The following AKAP12 variants were observed in gnomAD, a reference collection of about 807,000 sequenced individuals.
AKAP12 encodes A-kinase anchoring protein 12.
AKAP12 carries 32 observed loss-of-function variants against 79.9 expected under a neutral mutation model. The ratio of observed to expected loss-of-function variants is 0.40; its 90% CI spans 0.30 to 0.54. The LOEUF (loss-of-function observed/expected upper bound fraction) is 0.54. Among genes scored for constraint, AKAP12 ranks in the 20% least tolerant of loss-of-function variants. AKAP12 has a pLI of 0.48. For missense variants in AKAP12, 2,074 were observed against 2,177.0 expected (o/e 0.95, Z 0.94); for synonymous variants, 808 against 857.0 (o/e 0.94, Z 1.00).
At position 151,348,967 on chromosome 6, in the gene AKAP12, G is replaced by C; in HGVS notation, c.576G>C (p.Lys192Asn). Residue 192 changes from lysine to asparagine, a missense_variant, in exon 4 of 5, where the codon AAG becomes AAC. This residue lies in a region of AKAP12 where 1,428 missense variants were observed against 1,451.0 expected (regional missense o/e 0.98). Transcript: ENST00000402676. Reference protein sequence around the residue: ...KFTVKKDKTEKPDTVQLLTVK... With the variant: ...KFTVKKDKTENPDTVQLLTVK... Reference sequence around the variant, plus strand: ...CTGTGAAAAAGGATAAGACAGAGAAGCCTGACACTGTCCAGCTACTCACTG... The same window carrying C: ...CTGTGAAAAAGGATAAGACAGAGAACCCTGACACTGTCCAGCTACTCACTG... 3 of 1,614,132 alleles carry C rather than the reference G, an allele frequency of 1.9e-6. No homozygotes were observed. The highest frequency in any genetic ancestry group is 2.5e-6 in the Non-Finnish European group (3 of 1,180,038).
chr6:151,352,889 C>T lies in AKAP12; in HGVS notation c.4498C>T (p.Leu1500=), dbSNP rs772602163. The part of the protein sequence containing the change: ...ATTKKGLSSD[L]EGEKTTSLKW... ...TACCAAGAAAGGCTTAAGTTCCGAC[C>T]TGGAAGGAGAGAAAACCACATCACT... Residue 1500 remains leucine, a synonymous_variant, in exon 4 of 5, where the codon CTG becomes TTG. Transcript: ENST00000402676. The T allele has an allele frequency of 6.2e-7, 1 of 1,614,148 alleles. No homozygotes were observed. The highest frequency in any genetic ancestry group is 1.1e-5 in the South Asian group (1 of 91,078).
chr6:151,325,404 C>T (rs932707100), intron 3 of AKAP12: 2 of 985,446 alleles, frequency 2.0e-6, no homozygotes, highest in Non-Finnish European at 1.2e-6. Flanking sequence ...ATCCAATGCG[C>T]CGGCTCCAGC....
At chr6:151,334,703 G>C (rs1460606549) in intron 3 of AKAP12, among the ~76,000 whole-genome samples, 1 of 151,094 alleles carries the variant, frequency 6.6e-6, no homozygotes, top group African/African-American at 2.4e-5. Context: ...CTCACGGCAA[G>C]CTCCGCCTCC....
intron 3 of AKAP12, among the ~76,000 whole-genome samples, chr6:151,333,739 C>CAAA (rs11292037): frequency 2.4e-5 from 3 of 125,152 alleles, no homozygotes; most frequent in South Asian, 2.5e-4. Context: ...ACTGTGACTT[C>CAAA]AAAAAAAAAA....
intron 2 of AKAP12, among the ~76,000 whole-genome samples, chr6:151,284,059 G>T (rs978191466): frequency 3.9e-5 from 6 of 152,174 alleles, no homozygotes; most frequent in African/African-American, 7.2e-5. Context: ...AGTCTTAAGC[G>T]TATAGCTTGG....
chr6:151,248,967 A>G (rs1797126471), intron 2 of AKAP12, among the ~76,000 whole-genome samples: 1 of 151,992 alleles, frequency 6.6e-6, no homozygotes, highest in South Asian at 2.1e-4. Context: ...AGCCTGGGCG[A>G]CAGAGCAAGA....
In AKAP12 at chr6:151,352,176, A is replaced by G. The variant is rs751873152; in HGVS notation, c.3785A>G (p.Glu1262Gly). The G allele has an allele frequency of 6.2e-7, 1 of 1,614,054 alleles. No homozygotes were observed. Among genetic ancestry groups the G allele is most frequent in the African/African-American group, 1.3e-5 (1 of 74,908 alleles). ...VETVSILSKTEGTQEADQYAD... is the reference protein window; with the variant it reads ...VETVSILSKTGGTQEADQYAD... ...ACTGTATCCATTCTGTCAAAGACTG[A>G]GGGGACTCAAGAGGCTGACCAGTAT... The change falls in exon 4 of 5, where the codon GAG (glutamate) becomes GGG (glycine). Residue 1262 changes from glutamate (E) to glycine (G), a missense_variant. Glu to Gly is a moderately conservative substitution (Grantham distance 98). Transcript: ENST00000402676.
intron 3 of AKAP12, among the ~76,000 whole-genome samples, chr6:151,332,261 C>T (rs1252483898): frequency 1.3e-5 from 2 of 152,102 alleles, no homozygotes; most frequent in African/African-American, 2.4e-5. Flanking sequence ...TGGTCTCGAT[C>T]TCCTGACCTC....
chr6:151,263,036 C>T (rs928115575), intron 2 of AKAP12, among the ~76,000 whole-genome samples: 5 of 151,896 alleles, frequency 3.3e-5, no homozygotes, highest in Admixed American at 6.6e-5. Context: ...CTTTCCTTTT[C>T]GGGGGTTATT....
At chr6:151,256,900 C>T (rs1797310171) in intron 2 of AKAP12, among the ~76,000 whole-genome samples, 1 of 150,298 alleles carries the variant, frequency 6.7e-6, no homozygotes, top group African/African-American at 2.5e-5. Context: ...CTGCCTGCCT[C>T]GGCCTCCCAA....
At position 151,348,824 on chromosome 6, in the gene AKAP12, A is replaced by G. The variant is rs746255284; in HGVS notation, c.433A>G (p.Ile145Val). The G allele has an allele frequency of 1.2e-6, 2 of 1,614,178 alleles. No homozygotes were observed. Among genetic ancestry groups the G allele is most frequent in the South Asian group, 2.2e-5 (2 of 91,086 alleles). Residue 145 changes from isoleucine to valine, a missense_variant, in exon 4 of 5, where the codon ATA becomes GTA. Around this residue, in one of 3 missense-constraint regions of AKAP12, gnomAD observed 1,428 missense variants for 1,451.0 expected, o/e 0.98. Transcript: ENST00000402676. ...TDDGQEETPEIIEQIPSSESN... is the reference protein window; with the variant it reads ...TDDGQEETPEVIEQIPSSESN... ...TGATGGGCAGGAGGAGACACCCGAA[A>G]TAATCGAACAGATTCCTTCTTCAGA...
chr6:151,279,798 G>A (rs1292484352), intron 2 of AKAP12, among the ~76,000 whole-genome samples: 2 of 151,902 alleles, frequency 1.3e-5, no homozygotes, highest in Non-Finnish European at 2.9e-5. Flanking sequence ...GTGAGCTAAC[G>A]ATTGCACCAC....
At chr6:151,265,775 A>G (rs1180332674) in intron 2 of AKAP12, among the ~76,000 whole-genome samples, 3 of 152,228 alleles carry the variant, frequency 2.0e-5, no homozygotes, top group African/African-American at 4.8e-5. Flanking sequence ...CAGAGGAACC[A>G]TAGTTAATGA....
intron 3 of AKAP12, among the ~76,000 whole-genome samples, chr6:151,345,292 G>T (rs1241306409): frequency 6.6e-6 from 1 of 151,130 alleles, no homozygotes; most frequent in Non-Finnish European, 1.5e-5. Flanking sequence ...AGCCAGGATG[G>T]TCTCGATCTC....
At chr6:151,345,893 A>ATGTG (rs1485991559) in intron 3 of AKAP12, among the ~76,000 whole-genome samples, 29 of 82,392 alleles carry the variant, frequency 3.5e-4, no homozygotes, top group Admixed American at 1.0e-3. Flanking sequence ...ATGTGTGTGT[A>ATGTG]TATGTGTGTG....
chr6:151,322,395 T>C (rs192352891), intron 3 of AKAP12, among the ~76,000 whole-genome samples: 1 of 152,344 alleles, frequency 6.6e-6, no homozygotes, highest in African/African-American at 2.4e-5. Context: ...TTACAAAGTC[T>C]TTAACATGTC....
chr6:151,344,941 T>A (rs1778049536), intron 3 of AKAP12, among the ~76,000 whole-genome samples: 1 of 152,068 alleles, frequency 6.6e-6, no homozygotes, highest in Non-Finnish European at 1.5e-5. Context: ...ATAAGAAAAT[T>A]AAATTGTTTT....
At chr6:151,328,769 G>A (rs1051307262) in intron 3 of AKAP12, among the ~76,000 whole-genome samples, 2 of 152,058 alleles carry the variant, frequency 1.3e-5, no homozygotes, top group African/African-American at 4.8e-5. Flanking sequence ...TATTTTAGGA[G>A]GCCTGTGTTT....
chr6:151,287,114 T>C (rs898984784), intron 2 of AKAP12, among the ~76,000 whole-genome samples: 8 of 151,942 alleles, frequency 5.3e-5, no homozygotes, highest in Middle Eastern at 3.2e-3. Flanking sequence ...TAATTTTTTA[T>C]ATTTTTAGTA....
Sources: gnomAD v4.1 joint callset for allele counts (sites outside exome capture counted in the v4.1 genomes callset) on GRCh38, gnomAD v4.1.1 for gene constraint, gnomAD v4.1.1 regional missense constraint, MANE v1.5 for transcripts, NCBI Gene and HGNC (gene_info 2026-07-23, HGNC 2026-07-21) for gene names.